Variants in HMGN5 observed in about 807,000 individuals in gnomAD.
HMGN5 encodes high mobility group nucleosome-binding domain-containing protein 5.
Under a neutral mutation model 9.5 loss-of-function variants are expected in HMGN5, and 4 were observed. That is an observed-to-expected ratio of 0.42 (90% CI 0.21 to 0.96). The LOEUF (loss-of-function observed/expected upper bound fraction) is 0.96. Ranked by LOEUF, HMGN5 falls within the 40% of genes least tolerant of loss-of-function variation. HMGN5 has a pLI of 0.30. For synonymous variants in HMGN5, 55 were observed against 57.1 expected (o/e 0.96, Z 0.16); for missense variants, 192 against 187.5 (o/e 1.02, Z -0.14).
chrX:81,114,614 CAT>C lies in HMGN5; in HGVS notation c.*33_*34del, dbSNP rs769667903. 7 of 1,060,097 alleles carry C rather than the reference CAT, an allele frequency of 6.6e-6. No individual in the cohort carries two copies. In the African/African-American group the frequency reaches 1.3e-4, roughly 20 times the overall value. 87.4% of individuals were successfully genotyped at this position (1,060,097 alleles called of 1,213,427 possible). On this transcript the variant is annotated 3_prime_UTR_variant, in exon 7 of 7. Transcript: ENST00000358130. The stretch of plus-strand genomic sequence containing the variant: ...CTATTAACTTTACAACATGAAGGTA[CAT>C]GTTACCAAATTATGAAACTACATAG...
intron 1 of HMGN5, among the ~76,000 whole-genome samples, chrX:81,159,760 A>G (rs2075393583): frequency 9.0e-6 from 1 of 110,642 alleles, no homozygotes; most frequent in East Asian, 2.8e-4. Flanking sequence ...GGCTCAAACC[A>G]TGGCCCCTCT....
chrX:81,158,594 T>C (rs911046349), intron 1 of HMGN5, among the ~76,000 whole-genome samples: 14 of 112,294 alleles, frequency 1.2e-4, no homozygotes, highest in African/African-American at 4.5e-4. Flanking sequence ...GCTGCAAAAA[T>C]TTTCTCCCAC....
At chrX:81,177,367 C>CAA (rs148090852) in intron 1 of HMGN5, among the ~76,000 whole-genome samples, 109 of 10,690 alleles carry the variant, frequency 0.01, 9 homozygotes, top group Non-Finnish European at 0.013. Flanking sequence ...AAATGGAAAG[C>CAA]AAAAAAAAAA....
rs72630866 is a variant in HMGN5 at position 81,168,465 on chromosome X, T to A, written c.-124+33272A>T. Reference sequence around the variant, plus strand: ...CTGTCCACAGACCCCTAATTTGGATTGGCTATTGAGAATGGAGATTCAATA... The same window carrying A: ...CTGTCCACAGACCCCTAATTTGGATAGGCTATTGAGAATGGAGATTCAATA... On this transcript the variant is annotated intron_variant, in intron 1 of 6. Coordinates refer to ENST00000358130, the MANE Select transcript of HMGN5 (RefSeq NM_030763.3). Among the ~76,000 whole-genome samples, 1,548 of 111,465 alleles carry A rather than the reference T, an allele frequency of 0.014. 57 individuals are homozygous for A. In the East Asian group the frequency reaches 0.2, roughly 14 times the overall value.
At chrX:81,154,949 G>A (rs1268954991) in intron 1 of HMGN5, among the ~76,000 whole-genome samples, 1 of 107,602 alleles carries the variant, frequency 9.3e-6, no homozygotes, top group South Asian at 4.0e-4. Flanking sequence ...AACCACTGTA[G>A]GAAACAGTTT....
At chrX:81,146,449 G>A (rs1165364160) in intron 1 of HMGN5, among the ~76,000 whole-genome samples, 2 of 111,324 alleles carry the variant, frequency 1.8e-5, no homozygotes, top group African/African-American at 6.5e-5. Context: ...TTAAAACCAA[G>A]GGGAACAAAG....
intron 1 of HMGN5, among the ~76,000 whole-genome samples, chrX:81,173,076 T>A (rs1369146915): frequency 9.0e-6 from 1 of 111,384 alleles, no homozygotes; most frequent in East Asian, 2.8e-4. Flanking sequence ...AAACTTTTTA[T>A]TGGTGTACTG....
chrX:81,198,952 A>C (rs1158396044), intron 1 of HMGN5, among the ~76,000 whole-genome samples: 1 of 112,018 alleles, frequency 8.9e-6, no homozygotes, highest in Non-Finnish European at 1.9e-5. Context: ...CTGTTTGCAC[A>C]TGACATGATT....
chrX:81,156,845 G>T (rs1002306077), intron 1 of HMGN5, among the ~76,000 whole-genome samples: 1 of 110,551 alleles, frequency 9.0e-6, no homozygotes, highest in Non-Finnish European at 1.9e-5. Context: ...TTGTCAGTGT[G>T]ATTGATAAAG....
chrX:81,200,263 G>T (rs1294974331), intron 1 of HMGN5, among the ~76,000 whole-genome samples: 1 of 111,955 alleles, frequency 8.9e-6, no homozygotes, highest in Non-Finnish European at 1.9e-5. Context: ...CTGTTGGTGG[G>T]AGTGTAAATT....
chrX:81,193,978 T>G (rs1228043439), intron 1 of HMGN5, among the ~76,000 whole-genome samples: 2 of 111,381 alleles, frequency 1.8e-5, no homozygotes, highest in Admixed American at 1.9e-4. Context: ...GGTAGACAAA[T>G]AGACAAATGA....
intron 1 of HMGN5, among the ~76,000 whole-genome samples, chrX:81,187,828 T>C (rs1278585062): frequency 9.0e-6 from 1 of 111,230 alleles, no homozygotes; most frequent in Non-Finnish European, 1.9e-5. Context: ...TCTTTGATTG[T>C]ATGATTTAAT....
At chrX:81,180,246 T>C (rs1489603292) in intron 1 of HMGN5, among the ~76,000 whole-genome samples, 5 of 111,358 alleles carry the variant, frequency 4.5e-5, no homozygotes, top group Non-Finnish European at 7.5e-5. Context: ...CAAAAGAAAC[T>C]ACCATCAGAG....
intron 1 of HMGN5, among the ~76,000 whole-genome samples, chrX:81,135,350 A>G (rs750415783): frequency 8.9e-6 from 1 of 111,811 alleles, no homozygotes; most frequent in Non-Finnish European, 1.9e-5. Flanking sequence ...TAGATTCATA[A>G]CAAATAGAAA....
At chrX:81,144,608 C>T (rs1251328543) in intron 1 of HMGN5, among the ~76,000 whole-genome samples, 2 of 111,489 alleles carry the variant, frequency 1.8e-5, no homozygotes, top group African/African-American at 3.3e-5. Context: ...AAAGGCACAA[C>T]GTTTTGCCAG....
chrX:81,177,406 T>C (rs2075446301), intron 1 of HMGN5, among the ~76,000 whole-genome samples: 1 of 93,111 alleles, frequency 1.1e-5, no homozygotes, highest in Admixed American at 1.2e-4. Context: ...AAAGAAGTGG[T>C]TGCAATCCTA....
At chrX:81,182,011 A>G (rs1475496574) in intron 1 of HMGN5, among the ~76,000 whole-genome samples, 1 of 111,236 alleles carries the variant, frequency 9.0e-6, no homozygotes, top group Non-Finnish European at 1.9e-5. Flanking sequence ...TAGTTTTTTG[A>G]GGAACTTCCA....
At chrX:81,140,559 C>CAAA (rs1227925535) in intron 1 of HMGN5, among the ~76,000 whole-genome samples, 12 of 33,618 alleles carry the variant, frequency 3.6e-4, no homozygotes, top group African/African-American at 4.6e-4. Flanking sequence ...GACTCTGTCT[C>CAAA]AAAAAAAAAA....
chrX:81,197,826 A>G (rs2075513694), intron 1 of HMGN5: 1 of 110,999 alleles, frequency 9.0e-6, no homozygotes, highest in Non-Finnish European at 1.9e-5. Context: ...AATGAAAAAA[A>G]AAAAACAGAA....
Sources: allele counts gnomAD v4.1 joint callset (sites outside exome capture counted in the v4.1 genomes callset), GRCh38; gene constraint gnomAD v4.1.1; transcripts MANE v1.5; gene names NCBI Gene and HGNC (gene_info 2026-07-23, HGNC 2026-07-21).